Variants in ASTN2 observed in about 807,000 individuals in gnomAD.
ASTN2 encodes the protein astrotactin 2, also known as astrotactin-2.
A neutral mutation model predicts 139.8 loss-of-function variants in ASTN2; 54 were observed. The ratio of observed to expected loss-of-function variants is 0.39; its 90% confidence interval spans 0.31 to 0.48. The LOEUF (loss-of-function observed/expected upper bound fraction) is 0.48. ASTN2 is among the 20% of genes least tolerant of loss of function. The pLI is 0.95. For synonymous variants in ASTN2, 756 were observed against 719.5 expected (o/e 1.05, Z -0.81); for missense variants, 1,565 against 1,725.1 (o/e 0.91, Z 1.64).
chr9:116,793,552 T>C (rs60265725), intron 13 of ASTN2, among the ~76,000 whole-genome samples: 2,039 of 152,330 alleles, frequency 0.013, 47 homozygotes, highest in African/African-American at 0.047. Context: ...GCTAGATATT[T>C]AGATCATATG....
intron 20 of ASTN2, among the ~76,000 whole-genome samples, chr9:116,445,782 A>C (rs1847969159): frequency 6.6e-6 from 1 of 152,210 alleles, no homozygotes; most frequent in Non-Finnish European, 1.5e-5. Flanking sequence ...TCAGTGACAC[A>C]ATGATAATAA....
At chr9:116,492,328 T>C (rs756907821) in intron 19 of ASTN2, among the ~76,000 whole-genome samples, 2 of 152,164 alleles carry the variant, frequency 1.3e-5, no homozygotes, top group Non-Finnish European at 1.5e-5. Context: ...GTGATCTGCC[T>C]GCTTCAGCCT....
At chr9:116,902,275 T>G (rs1834031470) in intron 10 of ASTN2, among the ~76,000 whole-genome samples, 1 of 152,052 alleles carries the variant, frequency 6.6e-6, no homozygotes, top group South Asian at 2.1e-4. Flanking sequence ...TACGTGCATT[T>G]GTGCCTTAGT....
intron 13 of ASTN2, among the ~76,000 whole-genome samples, chr9:116,800,628 T>C (rs1830822610): frequency 6.6e-6 from 1 of 152,174 alleles, no homozygotes; most frequent in African/African-American, 2.4e-5. Context: ...ATGGCTCTCC[T>C]CATCACATGC....
chr9:116,869,232 G>A (rs1192185995), intron 10 of ASTN2, among the ~76,000 whole-genome samples: 1 of 152,008 alleles, frequency 6.6e-6, no homozygotes, highest in African/African-American at 2.4e-5. Context: ...TGGGTTTAGG[G>A]TCCACCTTAA....
intron 1 of ASTN2, among the ~76,000 whole-genome samples, chr9:117,369,639 A>G (rs1474040798): frequency 6.6e-6 from 1 of 152,150 alleles, no homozygotes; most frequent in African/African-American, 2.4e-5. Flanking sequence ...GAAGGCAGAA[A>G]CTATATCCTG....
chr9:116,991,157 G>GAC (rs5900247), intron 7 of ASTN2, among the ~76,000 whole-genome samples: 4,062 of 151,712 alleles, frequency 0.027, 189 homozygotes, highest in African/African-American at 0.094. Flanking sequence ...AAAAGGTGGG[G>GAC]ACACACACAC....
chr9:117,204,749 T>TA lies in ASTN2; in HGVS notation c.1015+9608dup, dbSNP rs201499220. Reference sequence around the variant, plus strand: ...TCTATGACCTGGGAAGACTGGCTGTTAAAAAAAACCAAACAAACAACAACA... The same window carrying TA: ...TCTATGACCTGGGAAGACTGGCTGTTAAAAAAAAACCAAACAAACAACAACA... On this transcript the variant is annotated intron_variant, in intron 3 of 22. Transcript: ENST00000313400. 2.5e-3 allele frequency among the ~76,000 whole-genome samples: 378 copies of TA among 152,024 alleles called. 1 individual carries two copies. The highest frequency in any genetic ancestry group is 8.7e-3 in the African/African-American group (362 of 41,464).
intron 4 of ASTN2, among the ~76,000 whole-genome samples, chr9:117,130,099 G>C (rs138237573): frequency 1.7e-3 from 258 of 152,220 alleles, no homozygotes; most frequent in African/African-American, 5.7e-3. Flanking sequence ...TTGAGCTCAG[G>C]AATTCAAGAC....
At chr9:116,957,453 T>C (rs548668420) in intron 10 of ASTN2, among the ~76,000 whole-genome samples, 4 of 152,234 alleles carry the variant, frequency 2.6e-5, no homozygotes, top group South Asian at 2.1e-4. Context: ...AATCTATACA[T>C]TTCTTCAAGT....
At chr9:117,030,441 A>G (rs887571810) in intron 6 of ASTN2, among the ~76,000 whole-genome samples, 1 of 152,212 alleles carries the variant, frequency 6.6e-6, no homozygotes, top group Non-Finnish European at 1.5e-5. Context: ...CACAGAAATT[A>G]GTCTCCAATT....
chr9:116,462,828 G>C (rs1848533990), intron 20 of ASTN2, among the ~76,000 whole-genome samples: 1 of 121,076 alleles, frequency 8.3e-6, no homozygotes, highest in African/African-American at 3.0e-5. Context: ...GTGTGTGTGT[G>C]TGTCTGCCCA....
intron 10 of ASTN2, among the ~76,000 whole-genome samples, chr9:116,888,128 G>T (rs898737536): frequency 3.3e-5 from 5 of 152,088 alleles, no homozygotes; most frequent in Middle Eastern, 3.2e-3. Flanking sequence ...ACCTGGCATG[G>T]TGGGTGGCTC....
intron 5 of ASTN2, among the ~76,000 whole-genome samples, chr9:117,040,616 G>A (rs1384220738): frequency 1.3e-5 from 2 of 152,028 alleles, no homozygotes; most frequent in East Asian, 1.9e-4. Flanking sequence ...CCACCACCAA[G>A]CCCAGCTAAT....
intron 16 of ASTN2, chr9:116,687,450 CAG>C (rs1253461934): frequency 5.8e-6 from 1 of 172,412 alleles, no homozygotes; most frequent in East Asian, 2.2e-4. Flanking sequence ...GCTCAGCGGC[CAG>C]GCGGGGGAAC....
chr9:116,805,810 C>A lies in ASTN2; in HGVS notation c.2218G>T (p.Glu740Ter). The A allele has an allele frequency of 3.1e-6, 5 of 1,613,664 alleles. No individual in the cohort carries two copies. The highest frequency in any genetic ancestry group is 1.3e-5 in the African/African-American group (1 of 75,038). ...TIFMFCGCVE[E>*]YKLAPDGKSC... ...TTTCCATCAGGAGCCAGTTTGTACT[C>A]CTCCACGCAACTGTATGATAAAACA... The change falls in exon 13 of 23, where the codon GAG becomes TAG. Residue 740 changes from glutamate (E) to a stop codon, truncating the protein, a stop_gained. Transcript: ENST00000313400. LOFTEE classifies it high-confidence loss of function.
chr9:116,950,651 C>A (rs1835531893), intron 10 of ASTN2, among the ~76,000 whole-genome samples: 1 of 152,240 alleles, frequency 6.6e-6, no homozygotes, highest in Non-Finnish European at 1.5e-5. Flanking sequence ...TTCCCTTCCA[C>A]CTTATTCTGG....
intron 11 of ASTN2, among the ~76,000 whole-genome samples, chr9:116,847,630 A>C (rs544504765): frequency 1.2e-4 from 19 of 152,320 alleles, no homozygotes; most frequent in African/African-American, 4.6e-4. Flanking sequence ...ATATTAACTC[A>C]TTATGTGCAC....
intron 1 of ASTN2, among the ~76,000 whole-genome samples, chr9:117,375,083 CA>C (rs1250566093): frequency 6.6e-6 from 1 of 152,188 alleles, no homozygotes; most frequent in Non-Finnish European, 1.5e-5. Flanking sequence ...TCCCTCCCAG[CA>C]CGTTCAGTTT....
Sources: gnomAD v4.1 joint callset for allele counts (sites outside exome capture counted in the v4.1 genomes callset) on GRCh38, gnomAD v4.1.1 for gene constraint, MANE v1.5 for transcripts, NCBI Gene and HGNC (gene_info 2026-07-23, HGNC 2026-07-21) for gene names.